Variants in LIPK observed in about 807,000 individuals in gnomAD.
LIPK encodes lipase family member K.
A neutral mutation model predicts 48.6 loss-of-function variants in LIPK; 32 were observed. The observed-to-expected ratio is 0.66, with a 90% confidence interval of 0.50 to 0.88. The LOEUF is 0.88. Among genes scored for constraint, LIPK ranks in the 40% least tolerant of loss-of-function variants. LIPK has a pLI of 0.00. For synonymous variants in LIPK, 164 were observed against 157.4 expected (o/e 1.04, Z -0.32); for missense variants, 507 against 478.5 (o/e 1.06, Z -0.56).
At chr10:88,726,976 G>C (rs921309215) in intron 3 of LIPK, 64 bp downstream of exon 3, 4 of 950,870 alleles carry the variant, frequency 4.2e-6, no homozygotes, top group Non-Finnish European at 6.5e-6. Context: ...TGTCCTGGGA[G>C]AAGTCAAGCA....
At chr10:88,726,330 C>A (rs1376156906) in intron 2 of LIPK, among the ~76,000 whole-genome samples, 1 of 152,218 alleles carries the variant, frequency 6.6e-6, no homozygotes, top group Non-Finnish European at 1.5e-5. Context: ...CTTAAATTAT[C>A]CTCATAGGAA....
intron 9 of LIPK, among the ~76,000 whole-genome samples, chr10:88,750,027 A>G (rs1842837879): frequency 6.6e-6 from 1 of 152,244 alleles, no homozygotes; most frequent in Non-Finnish European, 1.5e-5. Flanking sequence ...AAAAGAAGAC[A>G]TACATGCATC....
At chr10:88,717,910 C>T (rs564837494) in intron 1 of LIPK, among the ~76,000 whole-genome samples, 3 of 151,740 alleles carry the variant, frequency 2.0e-5, no homozygotes, top group South Asian at 2.1e-4. Context: ...ATTTCTTCCC[C>T]ACTCTCTTTT....
intron 1 of LIPK, among the ~76,000 whole-genome samples, chr10:88,707,557 C>G (rs940158464): frequency 6.6e-6 from 1 of 152,016 alleles, no homozygotes; most frequent in Admixed American, 6.6e-5. Flanking sequence ...TTTTTTTCTG[C>G]CTTGGCATTT....
At chr10:88,730,391 G>A (rs999336581) in intron 3 of LIPK, among the ~76,000 whole-genome samples, 1 of 152,046 alleles carries the variant, frequency 6.6e-6, no homozygotes, top group Non-Finnish European at 1.5e-5. Flanking sequence ...CCGGGTTCAC[G>A]CCATTTTCCT....
intron 2 of LIPK, among the ~76,000 whole-genome samples, 152 bp downstream of exon 2, chr10:88,724,800 T>G (rs575906276): frequency 6.6e-6 from 1 of 152,336 alleles, no homozygotes; most frequent in East Asian, 1.9e-4. Context: ...GGCTAACTAA[T>G]CCAAGAATTA....
intron 1 of LIPK, among the ~76,000 whole-genome samples, chr10:88,714,040 C>T (rs939403838): frequency 3.3e-5 from 5 of 151,996 alleles, no homozygotes; most frequent in Non-Finnish European, 4.4e-5. Flanking sequence ...TTTTCTCTTT[C>T]GATTTATTTT....
intron 9 of LIPK, among the ~76,000 whole-genome samples, chr10:88,748,866 A>G (rs1283657440): frequency 6.6e-6 from 1 of 152,142 alleles, no homozygotes; most frequent in Non-Finnish European, 1.5e-5. Flanking sequence ...CTTTTCATGG[A>G]TGATGTGATT....
intron 1 of LIPK, among the ~76,000 whole-genome samples, chr10:88,711,542 G>T (rs886104740): frequency 6.6e-6 from 1 of 151,972 alleles, no homozygotes; most frequent in Non-Finnish European, 1.5e-5. Context: ...GCACAATCTC[G>T]GCTCACTGCA....
At chr10:88,732,093 T>C in intron 4 of LIPK, 85 bp from the exon 5 acceptor site, 1 of 851,088 alleles carries the variant, frequency 1.2e-6, no homozygotes, top group Non-Finnish European at 1.9e-6. Context: ...AATCAAAGTA[T>C]TTATGTCTTC....
At chr10:88,731,354 A>G (rs1842463893) in intron 4 of LIPK, among the ~76,000 whole-genome samples, 173 bp downstream of exon 4, 1 of 152,156 alleles carries the variant, frequency 6.6e-6, no homozygotes, top group Admixed American at 6.5e-5. Context: ...AAGAACTGCC[A>G]TTATTATTGC....
intron 1 of LIPK, among the ~76,000 whole-genome samples, chr10:88,714,232 T>A (rs1035887788): frequency 6.6e-6 from 1 of 152,170 alleles, no homozygotes; most frequent in African/African-American, 2.4e-5. Flanking sequence ...TTCCTAAAAA[T>A]TTTTTATTAT....
chr10:88,711,744 G>A (rs989818687), intron 1 of LIPK, among the ~76,000 whole-genome samples: 2 of 152,068 alleles, frequency 1.3e-5, no homozygotes, highest in East Asian at 3.8e-4. Flanking sequence ...CAAAGTACTG[G>A]GATTACAAGC....
At chr10:88,742,399 A>C (rs903110615) in intron 8 of LIPK, among the ~76,000 whole-genome samples, 2 of 152,276 alleles carry the variant, frequency 1.3e-5, no homozygotes, top group Non-Finnish European at 2.9e-5. Flanking sequence ...ACTAAAAATC[A>C]GGACTAAATT....
chr10:88,717,002 G>A (rs910842415), intron 1 of LIPK, among the ~76,000 whole-genome samples: 2 of 152,132 alleles, frequency 1.3e-5, no homozygotes, highest in African/African-American at 4.8e-5. Context: ...AGGAGAATGG[G>A]GAAAGAGACC....
intron 3 of LIPK, chr10:88,728,522 G>C (rs1842393515): frequency 6.7e-6 from 2 of 298,460 alleles, no homozygotes; most frequent in Non-Finnish European, 1.4e-5. Flanking sequence ...TCAACGCTGA[G>C]CCTGCAGAGC....
At chr10:88,732,317 T>C (rs1290467144) in intron 5 of LIPK, 30 bp downstream of exon 5, 1 of 1,597,946 alleles carries the variant, frequency 6.3e-7, no homozygotes, top group Admixed American at 1.7e-5. Flanking sequence ...GATCAGAGAA[T>C]GTCAGGGGCT....
In LIPK at chr10:88,732,551, G is replaced by C. The variant is rs1443609441; in HGVS notation, c.669G>C (p.Lys223Asn). 16 of 1,591,820 alleles carry C rather than the reference G, an allele frequency of 1.0e-5. No individual in the cohort carries two copies. Among genetic ancestry groups the C allele is most frequent in the Non-Finnish European group, 1.4e-5 (16 of 1,173,650 alleles). ...KLTTLSRRVV[K>N]VLFGDKMFHP... is the part of the protein sequence containing the mutation. Reference sequence around the variant, plus strand: ...CAACCCTTTCCAGGCGAGTAGTTAAGGTATGTGACTTCCCAAGTTTTAATC... The same window carrying C: ...CAACCCTTTCCAGGCGAGTAGTTAACGTATGTGACTTCCCAAGTTTTAATC... Residue 223 changes from lysine to asparagine, a missense_variant and splice_region_variant, in exon 6 of 10, where the codon AAG becomes AAC. Coordinates refer to ENST00000404190, the MANE Select transcript of LIPK (RefSeq NM_001080518.2).
At position 88,732,230 on chromosome 10, in the gene LIPK, G is replaced by C. The variant is rs1221330173; in HGVS notation, c.475G>C (p.Glu159Gln). 6.3e-7 allele frequency: 1 copy of C among 1,593,928 alleles called. No homozygotes were observed. The change falls in exon 5 of 10, where the codon GAG (glutamate) becomes CAG (glutamine). Residue 159 changes from glutamate to glutamine, a missense_variant. Physicochemically the swap from Glu to Gln is conservative, Grantham distance 29. Transcript: ENST00000404190. ...DLPATINFII[E>Q]KTGQKRLYYV... ...TCCAGCCACAATCAATTTTATCATA[G>C]AGAAAACTGGACAGAAGCGACTCTA... is the stretch of plus-strand genomic sequence containing the variant.
Sources: gnomAD v4.1 joint callset for allele counts (sites outside exome capture counted in the v4.1 genomes callset) on GRCh38, gnomAD v4.1.1 for gene constraint, MANE v1.5 for transcripts, NCBI Gene and HGNC (gene_info 2026-07-23, HGNC 2026-07-21) for gene names.